Variants in TTC3 observed in about 807,000 individuals in gnomAD.
TTC3 encodes the protein E3 ubiquitin-protein ligase TTC3.
In TTC3, 180 loss-of-function variants were observed where a neutral mutation model predicts 249.6. That is an observed-to-expected ratio of 0.72 (90% CI 0.64 to 0.82). The LOEUF is 0.82. Among genes scored for constraint, TTC3 ranks in the 40% least tolerant of loss-of-function variants. The pLI is 0.00. For synonymous variants in TTC3, 717 were observed against 805.0 expected (o/e 0.89, Z 1.85); for missense variants, 2,061 against 2,398.4 (o/e 0.86, Z 2.94).
intron 8 of TTC3, 77 bp downstream of exon 8, chr21:37,094,167 C>A: frequency 1.4e-6 from 1 of 730,870 alleles, no homozygotes; most frequent in Non-Finnish European, 2.1e-6. Flanking sequence ...GTTAATAAAA[C>A]TGCTGACAAT....
At chr21:37,149,980 A>T in intron 23 of TTC3, 98 bp from the exon 24 acceptor site, 1 of 866,902 alleles carries the variant, frequency 1.2e-6, no homozygotes. Flanking sequence ...TTTAGTCCGT[A>T]TTTTGACTGT....
intron 10 of TTC3, among the ~76,000 whole-genome samples, chr21:37,102,031 T>A (rs1169163935): frequency 1.7e-5 from 2 of 117,678 alleles, no homozygotes; most frequent in Non-Finnish European, 4.1e-5. Flanking sequence ...ACCTATGCAA[T>A]GATTATCTTT....
chr21:37,157,189 G>C, intron 28 of TTC3: 1 of 1,358,564 alleles, frequency 7.4e-7, no homozygotes, highest in Non-Finnish European at 9.8e-7. Flanking sequence ...GGGAAAGATT[G>C]CATGTTACAC....
intron 11 of TTC3, chr21:37,121,274 G>A (rs1253975179): frequency 6.6e-6 from 1 of 152,252 alleles, no homozygotes; most frequent in African/African-American, 2.4e-5. Context: ...GAAAAGCTGA[G>A]TGAAGGGGAG....
In TTC3 at chr21:37,201,514, ACC is replaced by A; in HGVS notation, c.6019_6020del (p.Pro2007PhefsTer18). The A allele has an allele frequency of 6.2e-7, 1 of 1,613,972 alleles. No homozygotes were observed. Among genetic ancestry groups the A allele is most frequent in the Non-Finnish European group, 8.5e-7 (1 of 1,180,020 alleles). On this transcript the variant is annotated frameshift_variant, in exon 46 of 46. Coordinates refer to ENST00000355666, the Ensembl canonical transcript of TTC3. LOFTEE classifies it low-confidence loss of function (END_TRUNC). ...GTCGTGATCTCCTGACAGAAGAGTC[ACC>A]TTCTGGAAGAGGCTGGCCCAGTCAG...
intron 15 of TTC3, among the ~76,000 whole-genome samples, chr21:37,128,672 G>A (rs1194322792): frequency 2.0e-5 from 3 of 152,132 alleles, no homozygotes. Context: ...TCATAAGGAT[G>A]ATTGTTGTTT....
intron 4 of TTC3, 103 bp downstream of exon 4, chr21:37,088,449 T>A (rs573141913): frequency 7.2e-7 from 1 of 1,393,976 alleles, no homozygotes; most frequent in Non-Finnish European, 9.7e-7. Flanking sequence ...TATTCTTGTA[T>A]GCTGCTCAAC....
chr21:37,141,455 T>C (rs2078451191), intron 20 of TTC3, among the ~76,000 whole-genome samples: 1 of 152,012 alleles, frequency 6.6e-6, no homozygotes, highest in African/African-American at 2.4e-5. Flanking sequence ...ACCTCCTTTA[T>C]AGTTTTTTTT....
At chr21:37,194,909 C>T in intron 41 of TTC3, 1 of 152,164 alleles carries the variant, frequency 6.6e-6, no homozygotes, top group Non-Finnish European at 1.5e-5. Context: ...TGGGGCATGG[C>T]AGTGGGGGTG....
intron 36 of TTC3, 97 bp downstream of exon 36, chr21:37,183,010 C>A: frequency 9.4e-7 from 1 of 1,060,876 alleles, no homozygotes; most frequent in Non-Finnish European, 1.3e-6. Context: ...TAAACTACAT[C>A]AAGTAAAGTA....
At chr21:37,090,837 A>T (rs1469335186) in intron 6 of TTC3, among the ~76,000 whole-genome samples, 2 of 152,070 alleles carry the variant, frequency 1.3e-5, no homozygotes, top group African/African-American at 4.8e-5. Flanking sequence ...TTATCTCCTT[A>T]TTCTTCTGTT....
chr21:37,144,467 A>C, intron 20 of TTC3, 58 bp from the exon 21 acceptor site: 1 of 1,562,788 alleles, frequency 6.4e-7, no homozygotes, highest in Non-Finnish European at 8.7e-7. Flanking sequence ...GTGACTTTTG[A>C]AGGGAGTGAA....
intron 42 of TTC3, among the ~76,000 whole-genome samples, chr21:37,197,091 G>A (rs2084993274): frequency 1.3e-5 from 2 of 152,228 alleles, no homozygotes; most frequent in African/African-American, 4.8e-5. Flanking sequence ...CCTTTGGCAT[G>A]TGCCCTATTA....
chr21:37,091,730 T>G (rs1481006297), intron 7 of TTC3: 4 of 155,082 alleles, frequency 2.6e-5, no homozygotes, highest in Non-Finnish European at 5.7e-5. Context: ...TATGGGCGCC[T>G]GCTACCACGC....
intron 19 of TTC3, among the ~76,000 whole-genome samples, chr21:37,139,882 C>T (rs1425669221): frequency 2.0e-5 from 3 of 152,124 alleles, no homozygotes; most frequent in Non-Finnish European, 2.9e-5. Flanking sequence ...TTGCTTCAAA[C>T]GTTTTTAGAA....
At chr21:37,129,334 T>C (rs1366003585) in intron 16 of TTC3, among the ~76,000 whole-genome samples, 1 of 152,152 alleles carries the variant, frequency 6.6e-6, no homozygotes, top group Non-Finnish European at 1.5e-5. Context: ...ATATGTACTC[T>C]AAAAGGAAAA....
chr21:37,087,497 G>A lies in TTC3; in HGVS notation c.144+96G>A, dbSNP rs892377838. 6.2e-5 allele frequency: 89 copies of A among 1,441,298 alleles called. 1 individual carries two copies. The highest frequency in any genetic ancestry group is 1.8e-4 in the Admixed American group (9 of 51,346). The allele number at this position is 1,441,298 out of a possible 1,614,324, so 89.3% of individuals were successfully genotyped here. A position where few individuals can be genotyped will look rare whatever the true frequency, so the allele number is the denominator to read the frequency against. The stretch of plus-strand genomic sequence containing the variant: ...GTAAAGATGTTTTTGTGGTACGTGC[G>A]TTTTGACAGGGAGGTACACATGCTG... On this transcript the variant is annotated intron_variant, in intron 2 of 45. Transcript: ENST00000355666.
exon 36 of TTC3, chr21:37,182,779 A>T: frequency 6.3e-7 from 1 of 1,584,074 alleles, no homozygotes; most frequent in Non-Finnish European, 8.5e-7. Flanking sequence ...TTTAGATCTC[A>T]AAGACGGAAT....
chr21:37,197,419 A>C, intron 42 of TTC3, 151 bp from the exon 43 acceptor site: 1 of 862,530 alleles, frequency 1.2e-6, no homozygotes, highest in Non-Finnish European at 1.8e-6. Context: ...CTTTTTAGAT[A>C]GTTATTGTTG....
Sources: gnomAD v4.1 joint callset for allele counts (sites outside exome capture counted in the v4.1 genomes callset) on GRCh38, gnomAD v4.1.1 for gene constraint, MANE v1.5 for transcripts, NCBI Gene and HGNC (gene_info 2026-07-23, HGNC 2026-07-21) for gene names.